XPO7: variants seen among roughly 807,000 people sequenced by gnomAD.
XPO7 encodes the protein exportin 7, also known as exportin-7.
XPO7 carries 21 observed loss-of-function variants against 144.3 expected under a neutral mutation model. That is an observed-to-expected ratio of 0.15 (90% CI 0.10 to 0.21). The LOEUF is 0.21. XPO7 is among the 10% of genes least tolerant of loss of function. The pLI is 1.00. For missense variants in XPO7, 808 were observed against 1,325.8 expected (o/e 0.61, Z 6.06); for synonymous variants, 580 against 499.6 (o/e 1.16, Z -2.15).
In XPO7 at chr8:21,939,236, T is replaced by TC. The variant is rs1413700421; in HGVS notation, c.18+19448_18+19449insC. Among the ~76,000 whole-genome samples the TC allele has an allele frequency of 2.5e-3, 372 of 151,816 alleles. 2 individuals are homozygous for TC. The highest frequency in any genetic ancestry group is 3.5e-3 in the Non-Finnish European group (241 of 67,900). ...TTTCTTTTTCTTTTCTTTTTTTTTTTTTGAGATGGAGTTTCGCTCTTCTTG... is the reference window on the plus strand; with the variant it reads ...TTTCTTTTTCTTTTCTTTTTTTTTTTCTTGAGATGGAGTTTCGCTCTTCTTG... On this transcript the variant is annotated intron_variant, in intron 1 of 27. Transcript: ENST00000252512.
At chr8:21,993,913 G>GTC (rs1211089649) in intron 19 of XPO7, among the ~76,000 whole-genome samples, 3 of 140,642 alleles carry the variant, frequency 2.1e-5, no homozygotes, top group Admixed American at 7.0e-5. Flanking sequence ...TTTCTTTGCC[G>GTC]TGTCTCTCTC....
In XPO7 at chr8:22,002,371, A is replaced by T. The variant is rs1010076103; in HGVS notation, c.2943+99A>T. On this transcript the variant is annotated intron_variant, in intron 25 of 27. Coordinates refer to ENST00000252512, the MANE Select transcript of XPO7 (RefSeq NM_015024.5). ...CCACACACGATTAACATGACATCTC[A>T]TCAGGTTCCTGCTGCTGAGATGAAG... 139 of 1,300,162 alleles carry T rather than the reference A, an allele frequency of 1.1e-4. No individual in the cohort carries two copies. In the African/African-American group the frequency reaches 1.8e-3, roughly 17 times the overall value. The allele number at this position is 1,300,162 out of a possible 1,614,324, so 80.5% of individuals were successfully genotyped here.
chr8:21,930,722 T>G (rs1014655965), intron 1 of XPO7, among the ~76,000 whole-genome samples: 25 of 152,244 alleles, frequency 1.6e-4, no homozygotes, highest in Non-Finnish European at 2.5e-4. Context: ...TGAAGGTTTT[T>G]AAGTAGAGTA....
At chr8:21,932,073 C>T (rs1278685815) in intron 1 of XPO7, among the ~76,000 whole-genome samples, 1 of 152,034 alleles carries the variant, frequency 6.6e-6, no homozygotes, top group Non-Finnish European at 1.5e-5. Flanking sequence ...GGAGTTTCAC[C>T]GTGTTGGCCA....
chr8:21,970,392 A>ACAC, intron 4 of XPO7, 82 bp downstream of exon 4: 366 of 1,269,514 alleles, frequency 2.9e-4, no homozygotes, highest in Middle Eastern at 4.3e-4. Context: ...ACACACACAC[A>ACAC]ACTTAACACG....
intron 1 of XPO7, among the ~76,000 whole-genome samples, chr8:21,946,640 ATTT>A (rs61593432): frequency 2.4e-5 from 3 of 122,664 alleles, no homozygotes; most frequent in East Asian, 2.3e-4. Context: ...GCAAAACAGG[ATTT>A]TTTTTTTTTT....
intron 1 of XPO7, among the ~76,000 whole-genome samples, chr8:21,922,002 C>G (rs1810304357): frequency 6.6e-6 from 1 of 152,040 alleles, no homozygotes; most frequent in Admixed American, 6.6e-5. Flanking sequence ...ATAAAGGATT[C>G]ATTAAAGACA....
At chr8:21,989,106 C>G in intron 16 of XPO7, 23 bp downstream of exon 16, 2 of 1,602,988 alleles carry the variant, frequency 1.2e-6, no homozygotes, top group Non-Finnish European at 1.7e-6. Flanking sequence ...AAGCTAACTT[C>G]TGTGCACAAC....
intron 1 of XPO7, among the ~76,000 whole-genome samples, chr8:21,924,456 C>G (rs867280542): frequency 6.6e-6 from 1 of 151,780 alleles, no homozygotes; most frequent in Non-Finnish European, 1.5e-5. Context: ...CTCCCCCCCC[C>G]ACCCCACTAA....
chr8:21,964,556 A>G (rs1811822585), intron 1 of XPO7, among the ~76,000 whole-genome samples: 1 of 152,108 alleles, frequency 6.6e-6, no homozygotes, highest in African/African-American at 2.4e-5. Flanking sequence ...TGTTTTTCAG[A>G]TGTTTCCACT....
intron 24 of XPO7, among the ~76,000 whole-genome samples, chr8:22,000,349 C>T (rs372758462): frequency 2.0e-5 from 3 of 152,086 alleles, no homozygotes; most frequent in Non-Finnish European, 2.9e-5. Flanking sequence ...TCCTGAGGGC[C>T]GTGGAAGCTG....
At position 21,998,789 on chromosome 8, in the gene XPO7, A is replaced by G. The variant is rs750467500; in HGVS notation, c.2380A>G (p.Asn794Asp). The change falls in exon 22 of 28, where the codon AAT becomes GAT. Residue 794 changes from asparagine (N) to aspartate (D), a missense_variant. Coordinates refer to ENST00000252512, the MANE Select transcript of XPO7 (RefSeq NM_015024.5). ...QRLQFDVSSP[N>D]GILLFRETSK... ...ACTCCAGTTTGATGTCTCTTCCCCC[A>G]ATGGCATCTTACTCTTCCGAGAAAC... 1.2e-6 allele frequency: 2 copies of G among 1,613,920 alleles called. No individual in the cohort carries two copies. The highest frequency in any genetic ancestry group is 1.1e-5 in the South Asian group (1 of 91,078).
chr8:21,941,067 G>T (rs970564091), intron 1 of XPO7, among the ~76,000 whole-genome samples: 1 of 151,840 alleles, frequency 6.6e-6, no homozygotes, highest in African/African-American at 2.4e-5. Flanking sequence ...CTAAATCTGA[G>T]GATACTCAAG....
At chr8:21,930,699 G>A (rs758646885) in intron 1 of XPO7, among the ~76,000 whole-genome samples, 5 of 152,342 alleles carry the variant, frequency 3.3e-5, no homozygotes, top group South Asian at 2.1e-4. Flanking sequence ...TAATTGTACC[G>A]TAGGTGTGTG....
chr8:21,948,043 G>A (rs1437046616), intron 1 of XPO7, among the ~76,000 whole-genome samples: 3 of 152,222 alleles, frequency 2.0e-5, no homozygotes, highest in East Asian at 1.9e-4. Flanking sequence ...AGAGTAATGA[G>A]AGAGTAAGTT....
chr8:21,983,580 C>T (rs1314856633), intron 11 of XPO7, among the ~76,000 whole-genome samples: 4 of 152,172 alleles, frequency 2.6e-5, no homozygotes, highest in African/African-American at 9.7e-5. Context: ...AGTTCACCAG[C>T]AAGCCTTCTT....
In XPO7 at chr8:21,999,605, A is replaced by G; in HGVS notation, c.2713A>G (p.Ile905Val). 1.2e-6 allele frequency: 2 copies of G among 1,613,996 alleles called. No individual in the cohort carries two copies. Among genetic ancestry groups the G allele is most frequent in the Non-Finnish European group, 1.7e-6 (2 of 1,179,890 alleles). The change falls in exon 24 of 28, where the codon ATT becomes GTT. Residue 905 changes from isoleucine to valine, a missense_variant. Around this residue, in one of 5 missense-constraint regions of XPO7, gnomAD observed 140 missense variants for 237.9 expected, o/e 0.59. Transcript: ENST00000252512. ...EVLTQDHMNF[I>V]ASLEPHVIMY... ...CCTGACCCAGGACCATATGAACTTTATTGCAAGCCTGGAACCTCACGTCAT... is the reference window on the plus strand; with the variant it reads ...CCTGACCCAGGACCATATGAACTTTGTTGCAAGCCTGGAACCTCACGTCAT...
intron 1 of XPO7, among the ~76,000 whole-genome samples, chr8:21,922,974 T>C (rs1007815023): frequency 2.6e-5 from 4 of 152,192 alleles, no homozygotes; most frequent in Non-Finnish European, 4.4e-5. Context: ...CATTACAACT[T>C]GTCAGGTTAA....
At chr8:21,977,719 G>C in intron 7 of XPO7, 51 bp from the exon 8 acceptor site, 1 of 1,547,716 alleles carries the variant, frequency 6.5e-7, no homozygotes, top group Non-Finnish European at 8.9e-7. Flanking sequence ...GTATGCCAGC[G>C]GCAATGTTCA....
Sources: allele counts gnomAD v4.1 joint callset (sites outside exome capture counted in the v4.1 genomes callset), GRCh38; gene constraint gnomAD v4.1.1; regional missense constraint gnomAD v4.1.1; transcripts MANE v1.5; gene names NCBI Gene and HGNC (gene_info 2026-07-23, HGNC 2026-07-21).